Variants in NAALADL2 observed in about 807,000 individuals in gnomAD.
The protein encoded by NAALADL2 is N-acetylated alpha-linked acidic dipeptidase like 2, also known as inactive N-acetylated-alpha-linked acidic dipeptidase-like protein 2.
In NAALADL2, 76 loss-of-function variants were observed where a neutral mutation model predicts 87.2. The observed-to-expected ratio is 0.87, with a 90% CI of 0.72 to 1.05. NAALADL2 has a LOEUF of 1.05. Among genes scored for constraint, NAALADL2 ranks in the 50% least tolerant of loss-of-function variants. The pLI is 0.00. For missense variants in NAALADL2, 1,089 were observed against 945.8 expected, an observed-to-expected ratio of 1.15 and a Z score of -1.99; for synonymous variants, 354 against 331.0, an observed-to-expected ratio of 1.07 and a Z score of -0.75.
chr3:175,672,337 C>T (rs1400217050), intron 11 of NAALADL2, among the ~76,000 whole-genome samples: 1 of 152,064 alleles, frequency 6.6e-6, no homozygotes, highest in Admixed American at 6.6e-5. Context: ...CTTTACTTTG[C>T]TATTTTTATG....
At chr3:174,469,912 T>C (rs1482935552) in intron 1 of NAALADL2, among the ~76,000 whole-genome samples, 1 of 152,202 alleles carries the variant, frequency 6.6e-6, no homozygotes. Context: ...AACCACTATT[T>C]TTTTTACACA....
intron 11 of NAALADL2, among the ~76,000 whole-genome samples, chr3:175,656,958 G>A (rs952544272): frequency 1.3e-5 from 2 of 152,164 alleles, no homozygotes; most frequent in South Asian, 2.1e-4. Flanking sequence ...TATGTTGGAC[G>A]TAGAAACTTC....
chr3:175,424,244 C>T (rs1197165365), intron 5 of NAALADL2, among the ~76,000 whole-genome samples: 1 of 152,144 alleles, frequency 6.6e-6, no homozygotes, highest in African/African-American at 2.4e-5. Context: ...TTTTGCTGTG[C>T]AGAAGCTCTT....
intron 2 of NAALADL2, among the ~76,000 whole-genome samples, chr3:175,112,769 T>C (rs1452571425): frequency 2.0e-5 from 3 of 151,642 alleles, no homozygotes; most frequent in African/African-American, 4.8e-5. Flanking sequence ...CATACGGTCA[T>C]ATGAGAGTTA....
At chr3:175,347,962 A>G (rs1312825665) in intron 5 of NAALADL2, among the ~76,000 whole-genome samples, 1 of 152,022 alleles carries the variant, frequency 6.6e-6, no homozygotes, top group East Asian at 1.9e-4. Flanking sequence ...TTCAACTCCC[A>G]CTTACAAGTG....
chr3:174,507,662 T>C (rs1719282649), intron 1 of NAALADL2, among the ~76,000 whole-genome samples: 1 of 151,858 alleles, frequency 6.6e-6, no homozygotes, highest in Non-Finnish European at 1.5e-5. Context: ...CAGCAGATAG[T>C]CTTTTATGTC....
At chr3:174,712,087 C>T (rs751854887) in intron 2 of NAALADL2, among the ~76,000 whole-genome samples, 1 of 151,984 alleles carries the variant, frequency 6.6e-6, no homozygotes, top group Non-Finnish European at 1.5e-5. Flanking sequence ...GCGCCCTGGC[C>T]TAACATATGA....
intron 3 of NAALADL2, among the ~76,000 whole-genome samples, chr3:174,766,109 T>A (rs1713772377): frequency 6.6e-6 from 1 of 152,248 alleles, no homozygotes; most frequent in South Asian, 2.1e-4. Flanking sequence ...GAAAGAGACT[T>A]CTGCTTTCTC....
intron 9 of NAALADL2, chr3:175,487,654 G>T: frequency 2.6e-6 from 1 of 387,994 alleles, no homozygotes; most frequent in Non-Finnish European, 5.1e-6. Context: ...CCCCTTTCTG[G>T]AGTCCAATCC....
rs182773585 is a variant in NAALADL2, at chr3:175,071,561, A to G, written c.44-25229A>G. On this transcript the variant is annotated intron_variant, in intron 1 of 13. Coordinates refer to ENST00000454872, the MANE Select transcript of NAALADL2 (RefSeq NM_207015.3). ...GTAACACTCCTGTATAAAATATTAT[A>G]TTTAAACATGTTATCTCATGCTGAA... Among the ~76,000 whole-genome samples, 8 of 152,160 alleles carry G rather than the reference A, an allele frequency of 5.3e-5. No individual in the cohort carries two copies. In the East Asian group the frequency reaches 1.4e-3, roughly 26 times the overall value.
At chr3:175,456,272 G>A (rs1436109429) in intron 6 of NAALADL2, among the ~76,000 whole-genome samples, 1 of 152,000 alleles carries the variant, frequency 6.6e-6, no homozygotes, top group Non-Finnish European at 1.5e-5. Flanking sequence ...GATAGAGAGA[G>A]GCAGCTATTT....
chr3:175,512,501 A>T (rs1262137980), intron 9 of NAALADL2, among the ~76,000 whole-genome samples: 1 of 152,214 alleles, frequency 6.6e-6, no homozygotes, highest in Non-Finnish European at 1.5e-5. Context: ...AGGAAAAGCC[A>T]ATTCTTAAAA....
chr3:174,935,855 A>T (rs1206319693), intron 1 of NAALADL2, among the ~76,000 whole-genome samples: 5 of 152,150 alleles, frequency 3.3e-5, no homozygotes, highest in African/African-American at 1.2e-4. Context: ...ATTAATAGGG[A>T]TACAGAAAGT....
intron 5 of NAALADL2, among the ~76,000 whole-genome samples, chr3:175,415,394 GC>G (rs1315105644): frequency 2.6e-5 from 4 of 152,120 alleles, no homozygotes; most frequent in Non-Finnish European, 5.9e-5. Flanking sequence ...ACTCGGTTAA[GC>G]TGCATGGTAC....
At chr3:174,672,970 A>G (rs1037758970) in intron 2 of NAALADL2, among the ~76,000 whole-genome samples, 11 of 152,138 alleles carry the variant, frequency 7.2e-5, no homozygotes, top group Admixed American at 7.2e-4. Flanking sequence ...ACACAGAGGC[A>G]TGTCTCATTC....
chr3:174,918,290 A>T (rs895116894), intron 1 of NAALADL2, among the ~76,000 whole-genome samples: 1 of 152,136 alleles, frequency 6.6e-6, no homozygotes, highest in African/African-American at 2.4e-5. Flanking sequence ...ACTATAAAAA[A>T]ATATATTTTG....
At chr3:175,173,725 G>A (rs1327332578) in intron 2 of NAALADL2, among the ~76,000 whole-genome samples, 1 of 152,064 alleles carries the variant, frequency 6.6e-6, no homozygotes, top group African/African-American at 2.4e-5. Flanking sequence ...TTTATTAATT[G>A]CATTCAAACT....
At chr3:174,514,738 A>G (rs1017526904) in intron 1 of NAALADL2, among the ~76,000 whole-genome samples, 1 of 152,092 alleles carries the variant, frequency 6.6e-6, no homozygotes, top group African/African-American at 2.4e-5. Context: ...GATCTAATGT[A>G]TGATGTTTTA....
chr3:175,194,139 A>C (rs1047599403), intron 2 of NAALADL2, among the ~76,000 whole-genome samples: 1 of 151,884 alleles, frequency 6.6e-6, no homozygotes, highest in Non-Finnish European at 1.5e-5. Context: ...TTATAGAAGC[A>C]GATGTTATTA....
Sources: allele counts gnomAD v4.1 joint callset (sites outside exome capture counted in the v4.1 genomes callset), GRCh38; gene constraint gnomAD v4.1.1; transcripts MANE v1.5; gene names NCBI Gene and HGNC (gene_info 2026-07-23, HGNC 2026-07-21).